The following SLC25A21 variants were observed in gnomAD, a reference collection of about 807,000 sequenced individuals.
SLC25A21 encodes solute carrier family 25 member 21.
Under a neutral mutation model 43.8 loss-of-function variants are expected in SLC25A21, and 47 were observed. That is an observed-to-expected ratio of 1.07 (90% confidence interval 0.85 to 1.37). The LOEUF is 1.37. Ranked by LOEUF, SLC25A21 falls within the 40% of genes most tolerant of loss-of-function variation. SLC25A21 has a pLI of 0.00. For missense variants in SLC25A21, 352 were observed against 350.2 expected (o/e 1.00, Z -0.04); for synonymous variants, 131 against 121.3 (o/e 1.08, Z -0.52).
chr14:36,810,862 A>T (rs140753057), intron 3 of SLC25A21, among the ~76,000 whole-genome samples: 1 of 152,064 alleles, frequency 6.6e-6, no homozygotes, highest in Non-Finnish European at 1.5e-5. Context: ...TATATTTTAT[A>T]CAGCATATGT....
At position 37,004,283 on chromosome 14, in the gene SLC25A21, G is replaced by T. The variant is rs561299536; in HGVS notation, c.71-129279C>A. Among the ~76,000 whole-genome samples, 90 of 152,214 alleles carry T rather than the reference G, an allele frequency of 5.9e-4. 1 individual carries two copies. Among genetic ancestry groups the T allele is most frequent in the African/African-American group, 2.2e-3 (90 of 41,538 alleles). On this transcript the variant is annotated intron_variant, in intron 1 of 9. Transcript: ENST00000331299. Reference sequence around the variant, plus strand: ...CAAATTCTATTTTGAAATGTCATCAGTGCTTGGGGAAAAAAACTATCAGTT... The same window carrying T: ...CAAATTCTATTTTGAAATGTCATCATTGCTTGGGGAAAAAAACTATCAGTT...
At chr14:36,994,998 G>C (rs1211105422) in intron 1 of SLC25A21, among the ~76,000 whole-genome samples, 1 of 152,154 alleles carries the variant, frequency 6.6e-6, no homozygotes, top group Non-Finnish European at 1.5e-5. Flanking sequence ...GCAAATGACT[G>C]AAATTCTCTT....
chr14:37,100,048 TTGTTTGTTTGTTTTC>T (rs1358676938), intron 1 of SLC25A21, among the ~76,000 whole-genome samples: 2 of 151,712 alleles, frequency 1.3e-5, no homozygotes, highest in African/African-American at 4.8e-5. Flanking sequence ...GTTTGTTTGT[TTGTTTGTTTGTTTTC>T]TTTTGTTTTT....
chr14:36,818,603 A>T (rs1410622087), intron 2 of SLC25A21, among the ~76,000 whole-genome samples: 3 of 152,168 alleles, frequency 2.0e-5, no homozygotes, highest in African/African-American at 7.2e-5. Context: ...CACATACATC[A>T]TGTCTACGCT....
intron 1 of SLC25A21, among the ~76,000 whole-genome samples, chr14:37,067,315 A>T (rs996585896): frequency 6.6e-6 from 1 of 152,196 alleles, no homozygotes; most frequent in African/African-American, 2.4e-5. Context: ...AGTAAAGGAC[A>T]GATTATTCCT....
At chr14:36,997,082 G>C (rs1225470192) in intron 1 of SLC25A21, among the ~76,000 whole-genome samples, 4 of 151,970 alleles carry the variant, frequency 2.6e-5, no homozygotes, top group African/African-American at 9.7e-5. Flanking sequence ...AAGAACCAAA[G>C]AAAAGTCAGT....
chr14:37,130,279 A>G (rs1262845782), intron 1 of SLC25A21, among the ~76,000 whole-genome samples: 1 of 152,170 alleles, frequency 6.6e-6, no homozygotes, highest in Non-Finnish European at 1.5e-5. Flanking sequence ...AGATTAATAA[A>G]TTAAAAAAAT....
intron 1 of SLC25A21, among the ~76,000 whole-genome samples, chr14:36,884,971 GT>G (rs1170460201): frequency 6.6e-6 from 1 of 152,088 alleles, no homozygotes; most frequent in Non-Finnish European, 1.5e-5. Context: ...GAGCCTTTTA[GT>G]TTGGCGCAAT....
intron 3 of SLC25A21, among the ~76,000 whole-genome samples, chr14:36,749,510 T>C (rs562867261): frequency 6.6e-6 from 1 of 152,294 alleles, no homozygotes; most frequent in East Asian, 1.9e-4. Context: ...ATGGCTCATG[T>C]CACTCTTCTG....
At chr14:36,985,430 C>A (rs1184681061) in intron 1 of SLC25A21, among the ~76,000 whole-genome samples, 1 of 152,040 alleles carries the variant, frequency 6.6e-6, no homozygotes, top group Non-Finnish European at 1.5e-5. Context: ...AGCAAAGAAT[C>A]CAATCTGAGC....
chr14:36,770,401 G>A (rs1172986870), intron 3 of SLC25A21, among the ~76,000 whole-genome samples: 1 of 152,110 alleles, frequency 6.6e-6, no homozygotes, highest in African/African-American at 2.4e-5. Flanking sequence ...GACAAGGGCT[G>A]AAAAACTGTT....
chr14:37,019,390 A>T (rs1336292274), intron 1 of SLC25A21, among the ~76,000 whole-genome samples: 1 of 151,848 alleles, frequency 6.6e-6, no homozygotes, highest in Non-Finnish European at 1.5e-5. Context: ...TTCATTGACC[A>T]GTTTTTCTTT....
In SLC25A21 at chr14:36,737,841, CAAG is replaced by C. The variant is rs1224834488; in HGVS notation, c.204-3271_204-3269del. Among the ~76,000 whole-genome samples the C allele has an allele frequency of 2.0e-5, 3 of 152,198 alleles. No homozygotes were observed. The South Asian group carries it at 6.2e-4, about 32-fold the overall frequency. On this transcript the variant is annotated intron_variant, in intron 3 of 9. Transcript: ENST00000331299. ...GCCACCATTTAGGGAGGCACAGAAG[CAAG>C]AAGGAGAAGCTCTGTTTCTGTGAGT...
Position 36,734,491 on chromosome 14 carries a change from C to G in SLC25A21, c.270+16G>C, listed in dbSNP as rs114929407. On this transcript the variant is annotated intron_variant, in intron 4 of 9. Coordinates refer to ENST00000331299, the MANE Select transcript of SLC25A21 (RefSeq NM_030631.4). ...GTGCCCTACTTTTGCTTGGTGCGAA[C>G]GCATGCAATGCTTACCTTCACTGCT... 1,661 of 1,599,812 alleles carry G rather than the reference C, an allele frequency of 1.0e-3. 10 individuals are homozygous for G. The African/African-American group carries it at 0.02, about 19-fold the overall frequency.
At chr14:37,010,384 A>G (rs1960703996) in intron 1 of SLC25A21, among the ~76,000 whole-genome samples, 1 of 152,224 alleles carries the variant, frequency 6.6e-6, no homozygotes, top group African/African-American at 2.4e-5. Flanking sequence ...AATGATTTGA[A>G]GTTCACTCAT....
chr14:36,925,619 G>C (rs1892108690), intron 1 of SLC25A21, among the ~76,000 whole-genome samples: 1 of 152,188 alleles, frequency 6.6e-6, no homozygotes, highest in African/African-American at 2.4e-5. Context: ...GGCTGTGGCA[G>C]GTGGATCACT....
intron 1 of SLC25A21, among the ~76,000 whole-genome samples, chr14:37,039,987 G>A (rs1367966247): frequency 6.6e-6 from 1 of 151,764 alleles, no homozygotes; most frequent in Non-Finnish European, 1.5e-5. Flanking sequence ...CTGAGGTCAG[G>A]AGTTCAAGAT....
At chr14:37,025,766 A>G (rs1346311279) in intron 1 of SLC25A21, among the ~76,000 whole-genome samples, 1 of 152,182 alleles carries the variant, frequency 6.6e-6, no homozygotes, top group African/African-American at 2.4e-5. Flanking sequence ...AACTTCAGAC[A>G]TAGATGTTTT....
At chr14:36,960,575 T>A (rs957747504) in intron 1 of SLC25A21, among the ~76,000 whole-genome samples, 11 of 152,194 alleles carry the variant, frequency 7.2e-5, no homozygotes, top group Admixed American at 1.3e-4. Context: ...TCTCTTGCCA[T>A]CCCTTTTCTT....
Sources: allele counts gnomAD v4.1 joint callset (sites outside exome capture counted in the v4.1 genomes callset), GRCh38; gene constraint gnomAD v4.1.1; transcripts MANE v1.5; gene names NCBI Gene and HGNC (gene_info 2026-07-23, HGNC 2026-07-21).